UBFD1: variants seen among roughly 807,000 people sequenced by gnomAD.
UBFD1 encodes ubiquitin domain-containing protein UBFD1.
A neutral mutation model predicts 35.1 loss-of-function variants in UBFD1; 12 were observed. The observed-to-expected ratio is 0.34, with a 90% CI of 0.22 to 0.55. UBFD1 has a LOEUF of 0.55. UBFD1 is among the 20% of genes least tolerant of loss of function. The pLI is 0.89. For synonymous variants in UBFD1, 178 were observed against 167.6 expected, an observed-to-expected ratio of 1.06 and a Z score of -0.48; for missense variants, 337 against 410.8, an observed-to-expected ratio of 0.82 and a Z score of 1.55.
intron 6 of UBFD1, 111 bp downstream of exon 6, chr16:23,567,180 T>C (rs1046627368): frequency 1.0e-6 from 1 of 1,004,676 alleles, no homozygotes; most frequent in Non-Finnish European, 1.5e-6. Context: ...CTCCAGAAGA[T>C]GCACTTTTTT....
rs796069969 is a variant in UBFD1 at position 23,572,824 on chromosome 16, G to A, written c.*2234G>A. On this transcript the variant is annotated 3_prime_UTR_variant, in exon 7 of 7. Coordinates refer to ENST00000395878, the MANE Select transcript of UBFD1 (RefSeq NM_019116.3). ...AATGTAAATGACACCTTTTCGTACG[G>A]AGCTGTTTGAGTATTGCTTTACAGA... is the stretch of plus-strand genomic sequence containing the variant. 6.6e-5 allele frequency: 10 copies of A among 152,428 alleles called. No individual in the cohort carries two copies. Among genetic ancestry groups the A allele is most frequent in the African/African-American group, 2.4e-4 (10 of 41,556 alleles). 9.4% of individuals were successfully genotyped at this position (152,428 alleles called of 1,614,324 possible).
Position 23,563,664 on chromosome 16 carries a change from A to G in UBFD1, c.736+934A>G, listed in dbSNP as rs140739764. Among the ~76,000 whole-genome samples, 198 of 152,256 alleles carry G rather than the reference A, an allele frequency of 1.3e-3. 1 individual carries two copies. The highest frequency in any genetic ancestry group is 4.6e-3 in the African/African-American group (190 of 41,550). ...CTCAAGGACCTTTGGCTGTTTAAGG[A>G]CACATTCAAATGCCTAACCATAGCG... is the stretch of plus-strand genomic sequence containing the variant. On this transcript the variant is annotated intron_variant, in intron 5 of 6. Transcript: ENST00000395878.
intron 5 of UBFD1, among the ~76,000 whole-genome samples, chr16:23,564,252 T>C (rs1340371861): frequency 1.3e-5 from 2 of 152,106 alleles, no homozygotes; most frequent in African/African-American, 4.8e-5. Context: ...AAGAGAGAGT[T>C]TTTAATCATC....
intron 5 of UBFD1, 58 bp from the exon 6 acceptor site, chr16:23,566,929 C>CA: frequency 6.5e-7 from 1 of 1,549,292 alleles, no homozygotes. Context: ...ACTGCTGAGT[C>CA]AGAGAAGTTA....
Position 23,571,194 on chromosome 16 carries a change from T to C in UBFD1, c.*604T>C. 6.5e-6 allele frequency: 1 copy of C among 152,696 alleles called. No homozygotes were observed. Among genetic ancestry groups the C allele is most frequent in the East Asian group, 1.9e-4 (1 of 5,206 alleles). 9.5% of individuals were successfully genotyped at this position (152,696 alleles called of 1,614,324 possible). The stretch of plus-strand genomic sequence containing the variant: ...TTTAAGAACCCAAAGATGTCAGTTC[T>C]TCTTTTGGTACCTCATCAACGCTTC... On this transcript the variant is annotated 3_prime_UTR_variant, in exon 7 of 7. Coordinates refer to ENST00000395878, the MANE Select transcript of UBFD1 (RefSeq NM_019116.3).
chr16:23,560,149 T>G (rs1351357773), intron 3 of UBFD1, among the ~76,000 whole-genome samples: 1 of 152,130 alleles, frequency 6.6e-6, no homozygotes, highest in Non-Finnish European at 1.5e-5. Context: ...TGAAGCTGAG[T>G]AGGAAGACAA....
chr16:23,563,241 C>T (rs1335258903), intron 5 of UBFD1, among the ~76,000 whole-genome samples: 1 of 152,100 alleles, frequency 6.6e-6, no homozygotes, highest in Non-Finnish European at 1.5e-5. Flanking sequence ...CAGCTTTGTT[C>T]ATTTGTCACC....
intron 3 of UBFD1, among the ~76,000 whole-genome samples, chr16:23,560,374 T>C (rs925433146): frequency 2.0e-5 from 3 of 152,218 alleles, no homozygotes; most frequent in African/African-American, 7.2e-5. Flanking sequence ...TCTTTTTACC[T>C]GGCAAATTAT....
intron 5 of UBFD1, chr16:23,565,155 A>C (rs1454950534): frequency 6.6e-6 from 1 of 152,232 alleles, no homozygotes; most frequent in East Asian, 1.9e-4. Context: ...GCTGCTAGCC[A>C]CTGGCTTCGT....
At chr16:23,562,565 G>T in intron 4 of UBFD1, 60 bp from the exon 5 acceptor site, 1 of 1,525,674 alleles carries the variant, frequency 6.6e-7, no homozygotes, top group Non-Finnish European at 9.0e-7. Context: ...ACCGCGCTTG[G>T]CCCCCTTCTC....
At chr16:23,561,022 A>G (rs1190020088) in intron 3 of UBFD1, among the ~76,000 whole-genome samples, 2 of 152,234 alleles carry the variant, frequency 1.3e-5, no homozygotes, top group African/African-American at 4.8e-5. Context: ...GTAGCTTAAC[A>G]GGCTTAGAAC....
intron 3 of UBFD1, among the ~76,000 whole-genome samples, chr16:23,561,102 C>G (rs1965926716): frequency 6.6e-6 from 1 of 152,190 alleles, no homozygotes; most frequent in South Asian, 2.1e-4. Context: ...GTACTTCCAG[C>G]CCATGCTGCT....
Position 23,566,949 on chromosome 16 carries a change from G to T in UBFD1, c.737-38G>T, listed in dbSNP as rs758674702. The stretch of plus-strand genomic sequence containing the variant: ...TGAGTCAGAGAAGTTAGAACAGGAG[G>T]GCCCTTTGAATAATCACTGTAATCC... On this transcript the variant is annotated intron_variant, in intron 5 of 6. Coordinates refer to ENST00000395878, the MANE Select transcript of UBFD1 (RefSeq NM_019116.3). 2.2e-5 allele frequency: 35 copies of T among 1,598,438 alleles called. No homozygotes were observed. In the South Asian group the frequency reaches 2.6e-4, roughly 12 times the overall value.
rs78924422 is a variant in UBFD1 at position 23,562,804 on chromosome 16, C to T, written c.736+74C>T. The stretch of plus-strand genomic sequence containing the variant: ...CCAGCAGCACTCACATTTTAGAGTG[C>T]GATTTCACCCCTCCTTCTGAAACCT... On this transcript the variant is annotated intron_variant, in intron 5 of 6. Transcript: ENST00000395878. 2.7e-3 allele frequency: 3,359 copies of T among 1,257,852 alleles called. 44 individuals are homozygous for T. The African/African-American group carries it at 0.038, about 14-fold the overall frequency. 77.9% of individuals were successfully genotyped at this position (1,257,852 alleles called of 1,614,324 possible). A position where few individuals can be genotyped will look rare whatever the true frequency, so the allele number is the denominator to read the frequency against.
chr16:23,561,242 A>AGT (rs1965928809), intron 3 of UBFD1, among the ~76,000 whole-genome samples: 1 of 152,232 alleles, frequency 6.6e-6, no homozygotes, highest in South Asian at 2.1e-4. Flanking sequence ...GCAGTCTGGC[A>AGT]GTGCTGAGTT....
chr16:23,564,782 A>G (rs758238803), intron 5 of UBFD1: 1 of 152,244 alleles, frequency 6.6e-6, no homozygotes, highest in Non-Finnish European at 1.5e-5. Flanking sequence ...AGGAAGTTGT[A>G]TAGGGAACAC....
intron 5 of UBFD1, 92 bp from the exon 6 acceptor site, chr16:23,566,895 C>G (rs542021942): frequency 1.5e-5 from 19 of 1,254,362 alleles, no homozygotes; most frequent in Non-Finnish European, 2.1e-5. Context: ...CTGTAGATCC[C>G]GCAGCCACCA....
intron 3 of UBFD1, among the ~76,000 whole-genome samples, chr16:23,560,655 A>AT (rs759478633): frequency 4.6e-5 from 7 of 152,278 alleles, no homozygotes; most frequent in Middle Eastern, 3.4e-3. Context: ...ATTAGTGTGA[A>AT]TTTTCCTCTT....
intron 2 of UBFD1, 122 bp from the exon 3 acceptor site, chr16:23,559,346 C>T (rs1965893981): frequency 6.1e-6 from 5 of 816,982 alleles, no homozygotes; most frequent in Non-Finnish European, 7.7e-6. Context: ...CCCAAGTTCA[C>T]AAAGCTAATA....
Sources: allele counts gnomAD v4.1 joint callset (sites outside exome capture counted in the v4.1 genomes callset), GRCh38; gene constraint gnomAD v4.1.1; transcripts MANE v1.5; gene names NCBI Gene and HGNC (gene_info 2026-07-23, HGNC 2026-07-21).